Variants in ZSCAN18 observed in about 807,000 individuals in gnomAD.
ZSCAN18 encodes the protein zinc finger and SCAN domain-containing protein 18.
A neutral mutation model predicts 31.1 loss-of-function variants in ZSCAN18; 16 were observed. That is an observed-to-expected ratio of 0.51 (90% CI 0.35 to 0.78). The LOEUF is 0.78. ZSCAN18 is among the 30% of genes least tolerant of loss of function. The pLI is 0.01. For missense variants in ZSCAN18, 731 were observed against 697.4 expected (o/e 1.05, Z -0.54); for synonymous variants, 375 against 320.7 (o/e 1.17, Z -1.81).
rs777107290 is a variant in ZSCAN18, at chr19:58,086,188, C to T, written c.824G>A (p.Gly275Glu). 14 of 1,614,144 alleles carry T rather than the reference C, an allele frequency of 8.7e-6. No homozygotes were observed. Among genetic ancestry groups the T allele is most frequent in the Non-Finnish European group, 1.2e-5 (14 of 1,179,972 alleles). ...ELRLVERDPQ[G>E]SSLPEGGRRQ... is the part of the protein sequence containing the mutation. ...CCCAACCTCACCTGGGAGGCTGCTTCCTTGTGGATCTCTTTCCACCAACCG... is the reference window on the plus strand; with the variant it reads ...CCCAACCTCACCTGGGAGGCTGCTTTCTTGTGGATCTCTTTCCACCAACCG... Residue 275 changes from glycine (G) to glutamate (E), a missense_variant, in exon 6 of 7, where the codon GGA becomes GAA. Coordinates refer to ENST00000601144, the MANE Select transcript of ZSCAN18 (RefSeq NM_001145543.2).
At chr19:58,102,198 C>T (rs1600001952), upstream of ZSCAN18, among the ~76,000 whole-genome samples, 1 of 152,098 alleles carries the variant, frequency 6.6e-6, no homozygotes, top group African/African-American at 2.4e-5. Context: ...GTGGTTCACG[C>T]CTGTAATCCC....
chr19:58,091,408 G>A (rs1290326401), intron 1 of ZSCAN18, among the ~76,000 whole-genome samples: 2 of 151,966 alleles, frequency 1.3e-5, no homozygotes, highest in Non-Finnish European at 2.9e-5. Context: ...GGAGCGGGGG[G>A]CTCCCTCTGG....
In ZSCAN18 at chr19:58,088,930, G is replaced by C. The variant is rs988728091; in HGVS notation, c.404-93C>G. On this transcript the variant is annotated intron_variant, in intron 2 of 6. Transcript: ENST00000601144. ...AAACCACAGGGACCTGCAGGCTCCA[G>C]GGCCACATCACTACCCATCCTGCAC... The C allele has an allele frequency of 1.0e-5, 13 of 1,271,388 alleles. No individual in the cohort carries two copies. In the South Asian group the frequency reaches 1.8e-4, roughly 18 times the overall value. 78.8% of individuals were successfully genotyped at this position (1,271,388 alleles called of 1,614,324 possible).
chr19:58,110,401 AC>A (rs1322024278), intron 1 of ZSCAN18, among the ~76,000 whole-genome samples: 10 of 152,110 alleles, frequency 6.6e-5, no homozygotes, highest in Admixed American at 3.3e-4. Context: ...AGGCCTCCCA[AC>A]CCACTCGGCC....
intron 1 of ZSCAN18, among the ~76,000 whole-genome samples, chr19:58,096,292 G>A (rs946139255): frequency 1.3e-5 from 2 of 152,186 alleles, no homozygotes; most frequent in East Asian, 1.9e-4. Context: ...GCCACACCTC[G>A]TTGGAGTCTG....
intron 1 of ZSCAN18, among the ~76,000 whole-genome samples, chr19:58,114,460 T>G (rs1448315982): frequency 6.6e-6 from 1 of 152,190 alleles, no homozygotes; most frequent in African/African-American, 2.4e-5. Context: ...AGTGTCATAC[T>G]TGTAATAAAT....
At position 58,085,187 on chromosome 19, in the gene ZSCAN18, T is replaced by G; in HGVS notation, c.1031A>C (p.Asp344Ala). 1.2e-5 allele frequency: 20 copies of G among 1,610,154 alleles called. No individual in the cohort carries two copies. Among genetic ancestry groups the G allele is most frequent in the Non-Finnish European group, 1.7e-5 (20 of 1,179,356 alleles). The change falls in exon 7 of 7, where the codon GAC becomes GCC. Residue 344 changes from aspartate (D) to alanine (A), a missense_variant. Asp to Ala is a moderately radical substitution (Grantham distance 126). This residue lies in a region of ZSCAN18 where 597 missense variants were observed against 499.5 expected (regional missense o/e 1.20). Transcript: ENST00000601144. ...CTGCCTCTGCGATCCGGTGGCAGAG[T>G]CGGACTCCGCGTCCTGGGGGTCCTG... ...DPQDPQDAES[D>A]SATGSQRQSV...
chr19:58,104,694 C>T (rs2074621412), intron 1 of ZSCAN18, among the ~76,000 whole-genome samples: 1 of 132,430 alleles, frequency 7.6e-6, no homozygotes, highest in African/African-American at 2.8e-5. Context: ...AAGAGTGAGA[C>T]TCCATCTCAA....
At chr19:58,101,819 C>T (rs561889436), upstream of ZSCAN18, among the ~76,000 whole-genome samples, 1 of 148,664 alleles carries the variant, frequency 6.7e-6, no homozygotes, top group East Asian at 2.0e-4. Flanking sequence ...CGCACCCAGC[C>T]TTTTTTTTTT....
chr19:58,106,768 T>G (rs1325722286), intron 1 of ZSCAN18, among the ~76,000 whole-genome samples: 20 of 12,768 alleles, frequency 1.6e-3, no homozygotes, highest in East Asian at 2.6e-3. Flanking sequence ...TTTGTTTTTT[T>G]GTTTTTTTTT....
At chr19:58,102,579 G>A (rs1485147704), upstream of ZSCAN18, among the ~76,000 whole-genome samples, 2 of 152,176 alleles carry the variant, frequency 1.3e-5, no homozygotes, top group African/African-American at 4.8e-5. Flanking sequence ...GGCTGACACA[G>A]GCTATAAGAA....
chr19:58,086,091 G>T, intron 6 of ZSCAN18, 83 bp downstream of exon 6: 1 of 1,173,868 alleles, frequency 8.5e-7, no homozygotes, highest in Non-Finnish European at 1.3e-6. Flanking sequence ...TGCTGGGGCT[G>T]ATGGCGCTGG....
upstream of ZSCAN18, among the ~76,000 whole-genome samples, chr19:58,101,018 C>G: frequency 6.6e-6 from 1 of 152,122 alleles, no homozygotes. Flanking sequence ...CTTTGCAGGT[C>G]TATTTCCGGG....
At chr19:58,097,165 G>A (rs2074533885) in intron 1 of ZSCAN18, among the ~76,000 whole-genome samples, 1 of 152,094 alleles carries the variant, frequency 6.6e-6, no homozygotes, top group Admixed American at 6.6e-5. Context: ...CCAGGAGTCA[G>A]CAAGGACACA....
chr19:58,108,894 G>A, intron 1 of ZSCAN18: 1 of 1,016,586 alleles, frequency 9.8e-7, no homozygotes, highest in Non-Finnish European at 1.2e-6. Flanking sequence ...GTCCACCCTG[G>A]CTGATGGCTG....
chr19:58,090,382 C>A lies in ZSCAN18; in HGVS notation c.-115G>T. 2 of 1,560,872 alleles carry A rather than the reference C, an allele frequency of 1.3e-6. No homozygotes were observed. The highest frequency in any genetic ancestry group is 1.7e-6 in the Non-Finnish European group (2 of 1,150,506). The stretch of plus-strand genomic sequence containing the variant: ...TGGGCTCAGGTGGTGCCAGAACCCA[C>A]AGACCTGCAGAGGACACGGACAAGG... On this transcript the variant is annotated 5_prime_UTR_variant, in exon 2 of 7. Transcript: ENST00000601144. This position sits in a 1 kb window ranked among gnomAD's most constrained non-coding sequence, Gnocchi z 4.7.
intron 1 of ZSCAN18, among the ~76,000 whole-genome samples, chr19:58,112,342 C>A (rs1423561661): frequency 6.6e-6 from 1 of 152,106 alleles, no homozygotes; most frequent in Non-Finnish European, 1.5e-5. Context: ...GCCCCAACAC[C>A]CTGGCATGAT....
intron 1 of ZSCAN18, among the ~76,000 whole-genome samples, chr19:58,105,192 C>T (rs761632478): frequency 1.1e-4 from 16 of 152,192 alleles, no homozygotes; most frequent in Non-Finnish European, 2.1e-4. Context: ...TTTAAACCCA[C>T]TGTTGAGAGA....
intron 1 of ZSCAN18, among the ~76,000 whole-genome samples, chr19:58,104,505 C>G (rs1161942796): frequency 6.6e-6 from 1 of 151,922 alleles, no homozygotes; most frequent in Non-Finnish European, 1.5e-5. Context: ...TTGAGAACAG[C>G]TTGGTCAACG....
Sources: allele counts gnomAD v4.1 joint callset (sites outside exome capture counted in the v4.1 genomes callset), GRCh38; gene constraint gnomAD v4.1.1; regional missense constraint gnomAD v4.1.1; non-coding constraint Gnocchi (gnomAD v3.1); transcripts MANE v1.5; gene names NCBI Gene and HGNC (gene_info 2026-07-23, HGNC 2026-07-21).